Variants in UCN3 observed in about 807,000 individuals in gnomAD.
UCN3 encodes the protein urocortin 3.
A neutral mutation model predicts 3.6 loss-of-function variants in UCN3; 3 were observed. The ratio of observed to expected loss-of-function variants is 0.83; its 90% CI spans 0.38 to 2.15. UCN3 has a LOEUF of 2.15. Among genes scored for constraint, UCN3 ranks in the 30% most tolerant of loss-of-function variants. The probability of loss-of-function intolerance (pLI) is 0.06; values close to 1 mark genes in which losing one functional copy is unlikely to be tolerated. For synonymous variants in UCN3, 100 were observed against 93.2 expected, an observed-to-expected ratio of 1.07 and a Z score of -0.42; for missense variants, 206 against 208.3, an observed-to-expected ratio of 0.99 and a Z score of 0.07.
chr10:5,369,977 G>C (rs1831326087), intron 1 of UCN3, among the ~76,000 whole-genome samples: 1 of 113,646 alleles, frequency 8.8e-6, no homozygotes, highest in Admixed American at 8.5e-5. Flanking sequence ...GTGTGTATAT[G>C]CGTGTGTATA....
At chr10:5,369,665 T>C (rs1287880767) in intron 1 of UCN3, among the ~76,000 whole-genome samples, 2 of 152,232 alleles carry the variant, frequency 1.3e-5, no homozygotes, top group Non-Finnish European at 2.9e-5. Flanking sequence ...TGTTTTCTCA[T>C]AAATTATGAA....
At position 5,373,935 on chromosome 10, in the gene UCN3, A is replaced by T; in HGVS notation, c.215A>T (p.Glu72Val). 3 of 1,612,758 alleles carry T rather than the reference A, an allele frequency of 1.9e-6. No individual in the cohort carries two copies. The highest frequency in any genetic ancestry group is 2.5e-6 in the Non-Finnish European group (3 of 1,179,418). The change falls in exon 2 of 2, where the codon GAG (glutamate) becomes GTG (valine). Residue 72 changes from glutamate (E) to valine (V), a missense_variant. Coordinates refer to ENST00000380433, the MANE Select transcript of UCN3 (RefSeq NM_053049.4). ...AGCAGAGACGCCTCTTCGGGAGAGG[A>T]GGAGGAGGGCAAAGAGAAAAAGACT... ...LRSRDASSGEEEEGKEKKTFP... is the reference protein window; with the variant it reads ...LRSRDASSGEVEEGKEKKTFP...
At position 5,370,383 on chromosome 10, in the gene UCN3, A is replaced by ATATGTGTGTGTATGTGTGTG. The variant is rs1157000590; in HGVS notation, c.-6-3328_-6-3327insTGTGTGTATGTGTGTGTATG. On this transcript the variant is annotated intron_variant, in intron 1 of 1. Coordinates refer to ENST00000380433, the MANE Select transcript of UCN3 (RefSeq NM_053049.4). The stretch of plus-strand genomic sequence containing the variant: ...TGTATATGCGTGTGTATATGCGTGT[A>ATATGTGTGTGTATGTGTGTG]TATGCGTGTGTATATGTGTGTGTAT... 4.5e-4 allele frequency among the ~76,000 whole-genome samples: 10 copies of ATATGTGTGTGTATGTGTGTG among 22,302 alleles called. 1 individual carries two copies. The highest frequency in any genetic ancestry group is 6.2e-4 in the African/African-American group (2 of 3,206). The allele number at this position is 22,302 out of a possible 152,430, so 14.6% of individuals were successfully genotyped here. A position where few individuals can be genotyped will look rare whatever the true frequency, so the allele number is the denominator to read the frequency against.
rs1287577082 is a variant in UCN3, at chr10:5,369,931, GTGTGTGTA to G, written c.-6-3776_-6-3769del. Among the ~76,000 whole-genome samples, 32 of 127,218 alleles carry G rather than the reference GTGTGTGTA, an allele frequency of 2.5e-4. 5 individuals are homozygous for G. Among genetic ancestry groups the G allele is most frequent in the African/African-American group, 1.1e-3 (32 of 29,996 alleles). The allele number at this position is 127,218 out of a possible 152,430, so 83.5% of individuals were successfully genotyped here. A position where few individuals can be genotyped will look rare whatever the true frequency, so the allele number is the denominator to read the frequency against. On this transcript the variant is annotated intron_variant, in intron 1 of 1. Coordinates refer to ENST00000380433, the MANE Select transcript of UCN3 (RefSeq NM_053049.4). ...TGTGTGTATATGTGTGTGTATGTGT[GTGTGTGTA>G]TGTGTGTGTATATGTGTGTGTATAT...
At chr10:5,370,589 ATGTG>A (rs137956980) in intron 1 of UCN3, among the ~76,000 whole-genome samples, 1 of 79,310 alleles carries the variant, frequency 1.3e-5, no homozygotes, top group Admixed American at 1.6e-4. Flanking sequence ...ATGTGTGTAT[ATGTG>A]TGTGTGTATG....
Position 5,370,659 on chromosome 10 carries a change from GTGTGTA to G in UCN3, c.-6-3050_-6-3045del, listed in dbSNP as rs1315204104. ...TGTGTGTGTATATGTGTGTGTATGT[GTGTGTA>G]TGTGTGTGTATGTGTGTGTGTATGT... On this transcript the variant is annotated intron_variant, in intron 1 of 1. Coordinates refer to ENST00000380433, the MANE Select transcript of UCN3 (RefSeq NM_053049.4). 1.3e-4 allele frequency among the ~76,000 whole-genome samples: 10 copies of G among 74,290 alleles called. 2 individuals are homozygous for G. The highest frequency in any genetic ancestry group is 5.4e-4 in the South Asian group (1 of 1,860). The allele number at this position is 74,290 out of a possible 152,430, so 48.7% of individuals were successfully genotyped here.
Position 5,370,606 on chromosome 10 carries a change from TGTGTATATGC to T in UCN3, c.-6-3094_-6-3085del, listed in dbSNP as rs1217377101. Among the ~76,000 whole-genome samples the T allele has an allele frequency of 7.4e-3, 842 of 113,968 alleles. 110 individuals carry two copies. Among genetic ancestry groups the T allele is most frequent in the African/African-American group, 0.012 (358 of 30,870 alleles). 74.8% of individuals were successfully genotyped at this position (113,968 alleles called of 152,430 possible). On this transcript the variant is annotated intron_variant, in intron 1 of 1. Transcript: ENST00000380433. ...GTGTGTATATGTGTGTGTGTATGCG[TGTGTATATGC>T]GTGTATATGCGTGTGTATGTGTGTG...
chr10:5,374,680 A>C lies in UCN3; in HGVS notation c.*474A>C, dbSNP rs1418519670. The C allele has an allele frequency of 6.4e-6, 1 of 155,976 alleles. No individual in the cohort carries two copies. Among genetic ancestry groups the C allele is most frequent in the Non-Finnish European group, 1.4e-5 (1 of 70,516 alleles). The allele number at this position is 155,976 out of a possible 1,614,324, so 9.7% of individuals were successfully genotyped here. A position where few individuals can be genotyped will look rare whatever the true frequency, so the allele number is the denominator to read the frequency against. ...CCTACCTCCTCACCCCATTAAAACA[A>C]TGGCTTCTTCAACTCCTGGCTTGTC... On this transcript the variant is annotated 3_prime_UTR_variant, in exon 2 of 2. Coordinates refer to ENST00000380433, the MANE Select transcript of UCN3 (RefSeq NM_053049.4).
intron 1 of UCN3, among the ~76,000 whole-genome samples, chr10:5,370,872 TGTGTGTATATGC>T (rs782063612): frequency 0.059 from 4,767 of 81,378 alleles, 368 homozygotes; most frequent in Admixed American, 0.077. Context: ...CGTGTGTATG[TGTGTGTATATGC>T]GTGTGTATAT....
intron 1 of UCN3, among the ~76,000 whole-genome samples, chr10:5,370,195 G>C (rs1383792599): frequency 1.3e-5 from 1 of 74,790 alleles, no homozygotes; most frequent in Non-Finnish European, 2.4e-5. Context: ...GTATATGCGT[G>C]TGTATATGCG....
At chr10:5,369,978 CGTGTGTATATGTGTGTATGT>C (rs1564442167) in intron 1 of UCN3, among the ~76,000 whole-genome samples, 4 of 14,372 alleles carry the variant, frequency 2.8e-4, no homozygotes, top group African/African-American at 3.7e-4. Context: ...TGTGTATATG[CGTGTGTATATGTGTGTATGT>C]GTGTGTGTAT....
intron 1 of UCN3, among the ~76,000 whole-genome samples, chr10:5,368,305 G>T (rs775832571): frequency 3.9e-5 from 6 of 152,098 alleles, no homozygotes; most frequent in Non-Finnish European, 7.4e-5. Flanking sequence ...AGTCCGGCCA[G>T]CACCCTCTAT....
intron 1 of UCN3, among the ~76,000 whole-genome samples, chr10:5,370,525 G>GTGTGTGTA (rs1831372625): frequency 1.5e-5 from 1 of 65,398 alleles, no homozygotes. Context: ...GTGTGTGTAT[G>GTGTGTGTA]TGTGTGTGTA....
chr10:5,370,784 TGTGTGTATGC>T (rs1449257348), intron 1 of UCN3, among the ~76,000 whole-genome samples: 3 of 144,380 alleles, frequency 2.1e-5, no homozygotes, highest in Admixed American at 6.8e-5. Flanking sequence ...TATGCGTGTG[TGTGTGTATGC>T]GTGTGTATAT....
At position 5,373,919 on chromosome 10, in the gene UCN3, G is replaced by T; in HGVS notation, c.199G>T (p.Ala67Ser). The change falls in exon 2 of 2, where the codon GCC becomes TCC. Residue 67 changes from alanine to serine, a missense_variant. Transcript: ENST00000380433. ...RSFHYLRSRD[A>S]SSGEEEEGKE... ...CTTCCACTACCTGCGCAGCAGAGAC[G>T]CCTCTTCGGGAGAGGAGGAGGAGGG... 1 of 1,613,498 alleles carries T rather than the reference G, an allele frequency of 6.2e-7. No homozygotes were observed. Among genetic ancestry groups the T allele is most frequent in the East Asian group, 2.2e-5 (1 of 44,836 alleles).
intron 1 of UCN3, among the ~76,000 whole-genome samples, 161 bp from the exon 2 acceptor site, chr10:5,373,554 T>C (rs1201479932): frequency 6.6e-6 from 1 of 152,180 alleles, no homozygotes; most frequent in Non-Finnish European, 1.5e-5. Flanking sequence ...TTTGCATTTC[T>C]AACAAAGTCC....
Position 5,368,726 on chromosome 10 carries a change from TA to T in UCN3, c.-7+3500del, listed in dbSNP as rs575763135. Among the ~76,000 whole-genome samples the T allele has an allele frequency of 3.1e-3, 466 of 152,288 alleles. 3 individuals carry two copies. Among genetic ancestry groups the T allele is most frequent in the African/African-American group, 0.011 (440 of 41,552 alleles). ...AGATGCCTTCAAGGTATAAGGCAGC[TA>T]AAACCATGCTTCATACTCTATTTAT... On this transcript the variant is annotated intron_variant, in intron 1 of 1. Coordinates refer to ENST00000380433, the MANE Select transcript of UCN3 (RefSeq NM_053049.4).
At chr10:5,368,751 A>T (rs1255984274) in intron 1 of UCN3, among the ~76,000 whole-genome samples, 2 of 152,184 alleles carry the variant, frequency 1.3e-5, no homozygotes, top group African/African-American at 4.8e-5. Context: ...TACTCTATTT[A>T]TGAAAAACAA....
chr10:5,371,736 C>A (rs1444933778), intron 1 of UCN3, among the ~76,000 whole-genome samples: 2 of 152,188 alleles, frequency 1.3e-5, no homozygotes, highest in Non-Finnish European at 2.9e-5. Context: ...TGACCCAATG[C>A]CAGCCTCACG....
Sources: gnomAD v4.1 joint callset for allele counts (sites outside exome capture counted in the v4.1 genomes callset) on GRCh38, gnomAD v4.1.1 for gene constraint, MANE v1.5 for transcripts, NCBI Gene and HGNC (gene_info 2026-07-23, HGNC 2026-07-21) for gene names.